The following PDCL3 variants were observed in gnomAD, a reference collection of about 807,000 sequenced individuals.
The protein encoded by PDCL3 is phosducin like 3, also known as phosducin-like protein 3.
A neutral mutation model predicts 26.5 loss-of-function variants in PDCL3; 22 were observed. The ratio of observed to expected loss-of-function variants is 0.83; its 90% confidence interval spans 0.59 to 1.19. PDCL3 has a LOEUF of 1.19. Ranked by LOEUF, PDCL3 falls within the 50% of genes most tolerant of loss-of-function variation. The probability of loss-of-function intolerance (pLI) is 0.00; values close to 1 mark genes in which losing one functional copy is unlikely to be tolerated. For missense variants in PDCL3, 246 were observed against 294.1 expected (o/e 0.84, Z 1.20); for synonymous variants, 81 against 104.9 (o/e 0.77, Z 1.39).
chr2:100,568,562 G>A (rs1675101572), intron 2 of PDCL3, among the ~76,000 whole-genome samples: 1 of 152,144 alleles, frequency 6.6e-6, no homozygotes, highest in South Asian at 2.1e-4. Context: ...AATCTGGGAG[G>A]CGGAGGTTCT....
intron 5 of PDCL3, 114 bp downstream of exon 5, chr2:100,571,912 C>G (rs1675184080): frequency 2.3e-6 from 2 of 875,962 alleles, no homozygotes; most frequent in Non-Finnish European, 3.4e-6. Context: ...TCACTTCTGC[C>G]TGTGTATGAG....
chr2:100,564,314 T>C (rs932411202), intron 1 of PDCL3, among the ~76,000 whole-genome samples: 1 of 151,800 alleles, frequency 6.6e-6, no homozygotes. Flanking sequence ...TGTTTCTTTT[T>C]GAGACAGAGT....
intron 5 of PDCL3, among the ~76,000 whole-genome samples, chr2:100,572,810 C>T (rs1285452837): frequency 6.6e-6 from 1 of 152,152 alleles, no homozygotes. Flanking sequence ...TGAGCCACTG[C>T]GCCTGGCCAG....
chr2:100,563,117 C>G (rs1289338485), intron 1 of PDCL3, 44 bp downstream of exon 1: 4 of 1,583,674 alleles, frequency 2.5e-6, no homozygotes, highest in Non-Finnish European at 3.4e-6. Flanking sequence ...CGGCCCGTTC[C>G]TTTGTCTCGT....
intron 5 of PDCL3, among the ~76,000 whole-genome samples, chr2:100,574,537 G>A (rs553338914): frequency 6.6e-6 from 1 of 151,918 alleles, no homozygotes; most frequent in African/African-American, 2.4e-5. Context: ...GAGGTACAAT[G>A]TGAAATGATT....
chr2:100,566,730 C>A, intron 2 of PDCL3, 101 bp downstream of exon 2: 1 of 1,524,578 alleles, frequency 6.6e-7, no homozygotes, highest in Non-Finnish European at 8.9e-7. Flanking sequence ...CCAGCATGGA[C>A]ACTCTGTGTC....
chr2:100,568,675 G>A (rs1346263549), intron 2 of PDCL3, among the ~76,000 whole-genome samples: 3 of 152,070 alleles, frequency 2.0e-5, no homozygotes, highest in Non-Finnish European at 4.4e-5. Flanking sequence ...GGCGGAATAG[G>A]AGAAGAGAGG....
At chr2:100,563,529 C>T (rs57152574) in intron 1 of PDCL3, 33,883 of 156,562 alleles carry the variant, frequency 0.22, 4,147 homozygotes, top group East Asian at 0.51. Flanking sequence ...TAGTTACACC[C>T]TCTTCCCCCG....
rs1675186475 is a variant in PDCL3, at chr2:100,571,990, A to AT, written c.577+194dup. On this transcript the variant is annotated intron_variant, in intron 5 of 5. Coordinates refer to ENST00000264254, the MANE Select transcript of PDCL3 (RefSeq NM_024065.5). The stretch of plus-strand genomic sequence containing the variant: ...GAACAGTTACAACTGGGCTCTACTG[A>AT]TTCTTAGTTCAAGGAAGGCGTGATA... 3 of 600,716 alleles carry AT rather than the reference A, an allele frequency of 5.0e-6. No homozygotes were observed. In the East Asian group the frequency reaches 8.6e-5, roughly 17 times the overall value. 37.2% of individuals were successfully genotyped at this position (600,716 alleles called of 1,614,324 possible).
In PDCL3 at chr2:100,576,528, T is replaced by C; in HGVS notation, c.*32T>C. On this transcript the variant is annotated 3_prime_UTR_variant, in exon 6 of 6. Coordinates refer to ENST00000264254, the MANE Select transcript of PDCL3 (RefSeq NM_024065.5). ...AGCTTCTATCACATGCCGAACTTTC[T>C]TGTGACAAATTGTCTGGATTTTTTA... is the stretch of plus-strand genomic sequence containing the variant. The C allele has an allele frequency of 6.6e-7, 1 of 1,504,402 alleles. No individual in the cohort carries two copies. The highest frequency in any genetic ancestry group is 8.9e-7 in the Non-Finnish European group (1 of 1,121,824). The allele number at this position is 1,504,402 out of a possible 1,614,324, so 93.2% of individuals were successfully genotyped here.
chr2:100,566,460 A>G (rs775958603), intron 1 of PDCL3, 43 bp from the exon 2 acceptor site: 2 of 1,607,568 alleles, frequency 1.2e-6, no homozygotes, highest in East Asian at 4.5e-5. Flanking sequence ...CACCCTACAT[A>G]CTAGACTTAG....
intron 2 of PDCL3, among the ~76,000 whole-genome samples, chr2:100,568,270 TGC>T (rs1675097546): frequency 6.6e-6 from 1 of 152,188 alleles, no homozygotes; most frequent in Admixed American, 6.5e-5. Flanking sequence ...TGAGATTAGA[TGC>T]AATCACCGAG....
chr2:100,569,120 G>A (rs1040944864), intron 3 of PDCL3, 99 bp downstream of exon 3: 65 of 1,024,906 alleles, frequency 6.3e-5, no homozygotes, highest in Non-Finnish European at 9.3e-5. Context: ...GCTGAGCATG[G>A]TGACTCATAC....
chr2:100,568,796 G>C (rs1314548186), intron 2 of PDCL3, 135 bp from the exon 3 acceptor site: 4 of 680,290 alleles, frequency 5.9e-6, no homozygotes, highest in Non-Finnish European at 1.0e-5. Flanking sequence ...GGTGCCTTAA[G>C]TAATTTTTGT....
intron 3 of PDCL3, 53 bp from the exon 4 acceptor site, chr2:100,569,523 ATG>A: frequency 1.3e-6 from 2 of 1,583,976 alleles, no homozygotes; most frequent in South Asian, 1.2e-5. Flanking sequence ...CTTCTAGACG[ATG>A]TGTGTGTACA....
At position 100,572,065 on chromosome 2, in the gene PDCL3, T is replaced by C. The variant is rs750859872; in HGVS notation, c.577+267T>C. 67 of 415,824 alleles carry C rather than the reference T, an allele frequency of 1.6e-4. 2 individuals are homozygous for C. Among genetic ancestry groups the C allele is most frequent in the South Asian group, 1.1e-3 (33 of 31,336 alleles). 25.8% of individuals were successfully genotyped at this position (415,824 alleles called of 1,614,324 possible). On this transcript the variant is annotated intron_variant, in intron 5 of 5. Coordinates refer to ENST00000264254, the MANE Select transcript of PDCL3 (RefSeq NM_024065.5). The stretch of plus-strand genomic sequence containing the variant: ...ATTGGTGTGGAATATATTTTGTCTC[T>C]ACAGTTGGATGTTTTTGTAGCTTGA...
At chr2:100,563,257 C>T (rs564119301) in intron 1 of PDCL3, 184 bp downstream of exon 1, 3 of 597,300 alleles carry the variant, frequency 5.0e-6, no homozygotes, top group Non-Finnish European at 8.1e-6. Flanking sequence ...CCAGGACCCA[C>T]GGCCTGGGCG....
chr2:100,571,691 A>G lies in PDCL3; in HGVS notation c.470A>G (p.Asn157Ser), dbSNP rs751602117. The change falls in exon 5 of 6, where the codon AAT becomes AGT. Residue 157 changes from asparagine (N) to serine (S), a missense_variant. Coordinates refer to ENST00000264254, the MANE Select transcript of PDCL3 (RefSeq NM_024065.5). The stretch of plus-strand genomic sequence containing the variant: ...GCCATTTCAACAACCTGCATACCCA[A>G]TTATCCTGATAGGAATCTGCCCACG... ...IKAISTTCIP[N>S]YPDRNLPTIF... The G allele has an allele frequency of 3.1e-6, 5 of 1,613,654 alleles. No individual in the cohort carries two copies. In the Admixed American group the frequency reaches 8.3e-5, roughly 27 times the overall value.
rs1674977562 is a variant in PDCL3 at position 100,563,023 on chromosome 2, G to A, written c.-45G>A. The A allele has an allele frequency of 1.3e-6, 2 of 1,585,538 alleles. No individual in the cohort carries two copies. Among genetic ancestry groups the A allele is most frequent in the African/African-American group, 1.3e-5 (1 of 74,468 alleles). On this transcript the variant is annotated 5_prime_UTR_variant, in exon 1 of 6. Coordinates refer to ENST00000264254, the MANE Select transcript of PDCL3 (RefSeq NM_024065.5). ...TGCACAAAAGAGAGCTGAGGGGCGG[G>A]GGCGCTGCGGCACAGCTGGTTTGAG...
Sources: allele counts gnomAD v4.1 joint callset (sites outside exome capture counted in the v4.1 genomes callset), GRCh38; gene constraint gnomAD v4.1.1; transcripts MANE v1.5; gene names NCBI Gene and HGNC (gene_info 2026-07-23, HGNC 2026-07-21).